NOSTRIN: variants seen among roughly 807,000 people sequenced by gnomAD.
NOSTRIN encodes nitric oxide synthase trafficking.
A neutral mutation model predicts 59.0 loss-of-function variants in NOSTRIN; 63 were observed. The ratio of observed to expected loss-of-function variants is 1.07; its 90% CI spans 0.87 to 1.32. The LOEUF (loss-of-function observed/expected upper bound fraction) is 1.32. Ranked by LOEUF, NOSTRIN falls within the 40% of genes most tolerant of loss-of-function variation. NOSTRIN has a pLI of 0.00. For synonymous variants in NOSTRIN, 200 were observed against 165.4 expected (o/e 1.21, Z -1.61); for missense variants, 512 against 473.1 (o/e 1.08, Z -0.76).
chr2:168,863,097 A>T (rs1195813321), intron 15 of NOSTRIN, among the ~76,000 whole-genome samples: 1 of 152,210 alleles, frequency 6.6e-6, no homozygotes, highest in Non-Finnish European at 1.5e-5. Context: ...CATTCACAAT[A>T]AATTGATTAT....
At chr2:168,828,549 G>C in intron 5 of NOSTRIN, 48 bp downstream of exon 5, 1 of 758,800 alleles carries the variant, frequency 1.3e-6, no homozygotes, top group Non-Finnish European at 2.2e-6. Context: ...CAAGATTCCT[G>C]TGTTTAGCCC....
chr2:168,788,494 A>G (rs1411166340), intron 2 of NOSTRIN, among the ~76,000 whole-genome samples: 2 of 152,092 alleles, frequency 1.3e-5, no homozygotes, highest in Non-Finnish European at 2.9e-5. Flanking sequence ...GGGGGTGAAG[A>G]GGAATCCACA....
chr2:168,816,753 C>G (rs997047094), intron 2 of NOSTRIN, among the ~76,000 whole-genome samples: 6 of 152,234 alleles, frequency 3.9e-5, no homozygotes, highest in African/African-American at 1.2e-4. Flanking sequence ...TTGCCTGTCT[C>G]TTTCCCTAGA....
chr2:168,811,339 A>G (rs1396951556), intron 1 of NOSTRIN: 4 of 276,768 alleles, frequency 1.4e-5, no homozygotes, highest in Non-Finnish European at 2.7e-5. Context: ...GGAGAAATAG[A>G]TCAGCTTCAT....
At chr2:168,791,989 T>G (rs1182726759) in intron 2 of NOSTRIN, among the ~76,000 whole-genome samples, 5 of 152,110 alleles carry the variant, frequency 3.3e-5, no homozygotes, top group Non-Finnish European at 7.4e-5. Flanking sequence ...TGAGTTTAAT[T>G]AGATCCCATT....
At chr2:168,791,828 G>C (rs1685361519) in intron 2 of NOSTRIN, among the ~76,000 whole-genome samples, 2 of 152,102 alleles carry the variant, frequency 1.3e-5, no homozygotes, top group South Asian at 4.1e-4. Context: ...ACTTTTTGAT[G>C]GGGTTGTTCT....
chr2:168,801,897 G>C (rs1053719571), upstream of NOSTRIN, among the ~76,000 whole-genome samples: 1 of 152,196 alleles, frequency 6.6e-6, no homozygotes, highest in Non-Finnish European at 1.5e-5. Context: ...TTAGCCTCTT[G>C]ATCCTGTTGG....
At chr2:168,860,681 A>AT in intron 13 of NOSTRIN, 114 bp from the exon 14 acceptor site, 2 of 697,552 alleles carry the variant, frequency 2.9e-6, no homozygotes, top group Non-Finnish European at 4.8e-6. Context: ...AAAAAAAAAA[A>AT]GAAAAAACAA....
At position 168,843,065 on chromosome 2, in the gene NOSTRIN, C is replaced by A. The variant is rs748608260; in HGVS notation, c.578C>A (p.Ala193Glu). Residue 193 changes from alanine to glutamate, a missense_variant, in exon 8 of 16, where the codon GCG becomes GAG. Transcript: ENST00000317647. The part of the protein sequence containing the change: ...EDENYYQKNM[A>E]GYSTRLKWEN... ...GAAAATTACTACCAAAAAAACATGG[C>A]GGGTTATTCTACCAGACTGAAATGG... 1 of 872,186 alleles carries A rather than the reference C, an allele frequency of 1.1e-6. No homozygotes were observed. Among genetic ancestry groups the A allele is most frequent in the South Asian group, 1.3e-5 (1 of 76,418 alleles). 54.0% of individuals were successfully genotyped at this position (872,186 alleles called of 1,614,324 possible).
At chr2:168,836,710 C>T (rs1029704279) in intron 7 of NOSTRIN, among the ~76,000 whole-genome samples, 11 of 152,194 alleles carry the variant, frequency 7.2e-5, no homozygotes, top group African/African-American at 2.7e-4. Flanking sequence ...GAAGTCAGCA[C>T]AGCCACCTGC....
At chr2:168,813,852 T>C (rs1686273516) in intron 2 of NOSTRIN, among the ~76,000 whole-genome samples, 3 of 152,208 alleles carry the variant, frequency 2.0e-5, no homozygotes, top group African/African-American at 4.8e-5. Flanking sequence ...TAATAAATGC[T>C]TTTCTGAACA....
upstream of NOSTRIN, among the ~76,000 whole-genome samples, chr2:168,799,098 G>C (rs1685555260): frequency 6.6e-6 from 1 of 152,130 alleles, no homozygotes; most frequent in Admixed American, 6.5e-5. Flanking sequence ...TATTTTCATG[G>C]AAATTCTTGG....
chr2:168,798,815 A>ATAGT (rs1685548714), upstream of NOSTRIN, among the ~76,000 whole-genome samples: 1 of 106,486 alleles, frequency 9.4e-6, no homozygotes, highest in Non-Finnish European at 2.2e-5. Flanking sequence ...CGATCGATCG[A>ATAGT]TAGATAGATA....
intron 2 of NOSTRIN, among the ~76,000 whole-genome samples, chr2:168,816,463 A>G (rs926163956): frequency 3.3e-5 from 5 of 151,142 alleles, no homozygotes; most frequent in African/African-American, 1.2e-4. Flanking sequence ...TTGCAATCCC[A>G]CCCCATTTGC....
chr2:168,864,689 T>C (rs1369999926), intron 15 of NOSTRIN, 145 bp from the exon 16 acceptor site: 10 of 792,814 alleles, frequency 1.3e-5, no homozygotes, highest in African/African-American at 3.5e-5. Flanking sequence ...AGGTGTTCGA[T>C]ACATTTGGCT....
At chr2:168,821,331 A>C (rs1353878405) in intron 2 of NOSTRIN, among the ~76,000 whole-genome samples, 1 of 152,244 alleles carries the variant, frequency 6.6e-6, no homozygotes, top group African/African-American at 2.4e-5. Context: ...GCATTTAAAC[A>C]GCTTGTTAAT....
At chr2:168,817,639 A>T (rs1686484982) in intron 2 of NOSTRIN, among the ~76,000 whole-genome samples, 1 of 152,152 alleles carries the variant, frequency 6.6e-6, no homozygotes, top group African/African-American at 2.4e-5. Flanking sequence ...GAATGAATGC[A>T]CACTTTAGGC....
At chr2:168,808,978 A>C (rs1393810062) in intron 1 of NOSTRIN, among the ~76,000 whole-genome samples, 1 of 152,232 alleles carries the variant, frequency 6.6e-6, no homozygotes, top group Non-Finnish European at 1.5e-5. Context: ...TAGTGAGTAC[A>C]TAATGTGTAT....
intron 12 of NOSTRIN, among the ~76,000 whole-genome samples, chr2:168,858,616 T>C (rs990615303): frequency 1.3e-5 from 2 of 152,170 alleles, no homozygotes; most frequent in Non-Finnish European, 2.9e-5. Flanking sequence ...CAAGTGAAGG[T>C]CTAATGGTAG....
Sources: gnomAD v4.1 joint callset for allele counts (sites outside exome capture counted in the v4.1 genomes callset) on GRCh38, gnomAD v4.1.1 for gene constraint, MANE v1.5 for transcripts, NCBI Gene and HGNC (gene_info 2026-07-23, HGNC 2026-07-21) for gene names.